Variants in PIN4 observed in about 807,000 individuals in gnomAD.
The protein encoded by PIN4 is peptidyl-prolyl cis-trans isomerase NIMA-interacting 4.
A neutral mutation model predicts 8.3 loss-of-function variants in PIN4; 3 were observed. That is an observed-to-expected ratio of 0.36 (90% CI 0.16 to 0.93). The LOEUF is 0.93. PIN4 is among the 40% of genes least tolerant of loss of function. The pLI is 0.44. For synonymous variants in PIN4, 18 were observed against 32.5 expected (o/e 0.55, Z 1.52); for missense variants, 75 against 100.6 (o/e 0.75, Z 1.09).
At chrX:72,202,615 C>G (rs1159467093), downstream of PIN4, among the ~76,000 whole-genome samples, 5 of 111,719 alleles carry the variant, frequency 4.5e-5, no homozygotes, top group Non-Finnish European at 7.5e-5. Context: ...AAGCTGAACT[C>G]AGATGCAGAC....
At chrX:72,241,817 C>CA (rs397953581) in intron 3 of PIN4, among the ~76,000 whole-genome samples, 42,095 of 99,125 alleles carry the variant, frequency 0.42, 8,384 homozygotes, top group East Asian at 0.98. Flanking sequence ...AACTCCGTCT[C>CA]AAAAAAAAAA....
At chrX:72,182,315 G>A in intron 1 of PIN4, among the ~76,000 whole-genome samples, 2 of 111,618 alleles carry the variant, frequency 1.8e-5, no homozygotes, top group African/African-American at 6.5e-5. Flanking sequence ...GCCGAGGGAG[G>A]ATGGATCACG....
At chrX:72,258,700 G>A (rs1421248423) in intron 3 of PIN4, among the ~76,000 whole-genome samples, 1 of 111,164 alleles carries the variant, frequency 9.0e-6, no homozygotes, top group Non-Finnish European at 1.9e-5. Flanking sequence ...ACTTGGACCA[G>A]GTTCTTGACC....
At chrX:72,195,369 C>T (rs757119822) in intron 2 of PIN4, among the ~76,000 whole-genome samples, 16 of 111,687 alleles carry the variant, frequency 1.4e-4, no homozygotes, top group Admixed American at 3.8e-4. Context: ...TGGCCAGGCA[C>T]GGTGTGCTGA....
chrX:72,256,730 G>A (rs960525040), intron 3 of PIN4, among the ~76,000 whole-genome samples: 3 of 112,144 alleles, frequency 2.7e-5, no homozygotes, highest in Non-Finnish European at 5.6e-5. Context: ...GTTGCAGATT[G>A]AAACAGGATG....
In PIN4 at chrX:72,194,846, A is replaced by G. The variant is rs771700748; in HGVS notation, c.118-1939A>G. On this transcript the variant is annotated intron_variant, in intron 2 of 3. Coordinates refer to ENST00000373669, the MANE Select transcript of PIN4 (RefSeq NM_006223.4). The stretch of plus-strand genomic sequence containing the variant: ...CATGTAAAGTGTCCTATATAAGTGT[A>G]CCATTTTTTATCTTTTATACTATAT... Among the ~76,000 whole-genome samples the G allele has an allele frequency of 9.0e-5, 10 of 111,174 alleles. 1 individual carries two copies. The South Asian group carries it at 3.8e-3, about 42-fold the overall frequency.
chrX:72,230,208 A>C (rs996064538), intron 3 of PIN4, among the ~76,000 whole-genome samples: 1 of 110,354 alleles, frequency 9.1e-6, no homozygotes, highest in Non-Finnish European at 1.9e-5. Context: ...AGAATAAAGG[A>C]TTGATCAGGC....
intron 2 of PIN4, among the ~76,000 whole-genome samples, chrX:72,192,580 GCTTTTTT>G (rs771725737): frequency 7.2e-4 from 80 of 110,848 alleles, no homozygotes; most frequent in African/African-American, 2.3e-3. Context: ...TTTTTATTAT[GCTTTTTT>G]CTTTTTTCTT....
intron 3 of PIN4, among the ~76,000 whole-genome samples, chrX:72,253,837 C>T (rs775658766): frequency 2.8e-5 from 3 of 108,336 alleles, no homozygotes; most frequent in South Asian, 4.1e-4. Context: ...TGCTGCATGC[C>T]TGTAGTCCTA....
Position 72,248,818 on chromosome X carries a change from A to G in PIN4, c.313-13889A>G, listed in dbSNP as rs747561217. 3.6e-5 allele frequency among the ~76,000 whole-genome samples: 4 copies of G among 110,759 alleles called. No individual in the cohort carries two copies. The East Asian group carries it at 1.1e-3, about 32-fold the overall frequency. ...CTTGAACCCAGGAGGCAGAGGTTGC[A>G]GTGAACTGAGATTGCGCCACTGCAC... On this transcript the variant is annotated intron_variant, in intron 3 of 3. Transcript: ENST00000423432.
At chrX:72,204,635 T>G in intron 3 of PIN4, 1 of 122,460 alleles carries the variant, frequency 8.2e-6, no homozygotes, top group Admixed American at 8.5e-5. Flanking sequence ...GCCAGTATCA[T>G]CTCAGTGAAA....
chrX:72,246,759 T>C (rs575742264), intron 3 of PIN4, among the ~76,000 whole-genome samples: 1 of 111,997 alleles, frequency 8.9e-6, no homozygotes, highest in Admixed American at 9.5e-5. Flanking sequence ...CTTGTCTCAG[T>C]GCAGGTCTCC....
intron 1 of PIN4, among the ~76,000 whole-genome samples, chrX:72,182,099 A>C (rs973610977): frequency 2.4e-4 from 27 of 112,648 alleles, no homozygotes; most frequent in Non-Finnish European, 3.9e-4. Flanking sequence ...GGGTCTTATC[A>C]AAAGCCAGCA....
chrX:72,184,401 G>A (rs930608536), intron 1 of PIN4, among the ~76,000 whole-genome samples: 2 of 112,045 alleles, frequency 1.8e-5, no homozygotes, highest in Admixed American at 9.4e-5. Flanking sequence ...GAGTGGCACA[G>A]TTCCATCGTG....
At chrX:72,221,923 CGAAACCCCTTCCTCT>C (rs1290797144) in intron 3 of PIN4, among the ~76,000 whole-genome samples, 1 of 109,967 alleles carries the variant, frequency 9.1e-6, no homozygotes, top group Non-Finnish European at 1.9e-5. Context: ...CCCCTTCCCT[CGAAACCCCTTCCTCT>C]GAAACCCCTT....
intron 3 of PIN4, among the ~76,000 whole-genome samples, chrX:72,254,258 C>CT (rs981869652): frequency 2.7e-5 from 3 of 111,780 alleles, no homozygotes; most frequent in Non-Finnish European, 5.6e-5. Flanking sequence ...TTGCTGTCCC[C>CT]TTGGCCAGTA....
chrX:72,239,072 C>T (rs2043036052), intron 3 of PIN4: 2 of 513,867 alleles, frequency 3.9e-6, no homozygotes, highest in Non-Finnish European at 6.2e-6. Context: ...GACGGCCTCG[C>T]GGCCGGCCAA....
At chrX:72,189,655 G>A (rs1346064380) in intron 2 of PIN4, among the ~76,000 whole-genome samples, 1 of 111,490 alleles carries the variant, frequency 9.0e-6, no homozygotes, top group Admixed American at 9.6e-5. Context: ...CAAAGTAAAT[G>A]CTCATTATAG....
chrX:72,228,169 C>T (rs890981500), intron 3 of PIN4, among the ~76,000 whole-genome samples: 16 of 112,312 alleles, frequency 1.4e-4, no homozygotes, highest in African/African-American at 4.5e-4. Context: ...AGGGTGGAAG[C>T]GTCAGTTTAT....
Sources: allele counts gnomAD v4.1 joint callset (sites outside exome capture counted in the v4.1 genomes callset), GRCh38; gene constraint gnomAD v4.1.1; transcripts MANE v1.5; gene names NCBI Gene and HGNC (gene_info 2026-07-23, HGNC 2026-07-21).